KCTD16: variants seen among roughly 807,000 people sequenced by gnomAD.
The protein encoded by KCTD16 is potassium channel tetramerization domain containing 16, also known as BTB/POZ domain-containing protein KCTD16.
A neutral mutation model predicts 33.2 loss-of-function variants in KCTD16; 13 were observed. That is an observed-to-expected ratio of 0.39 (90% CI 0.25 to 0.62). KCTD16 has a LOEUF of 0.62. KCTD16 is among the 20% of genes least tolerant of loss of function. The probability of loss-of-function intolerance (pLI) is 0.50; values close to 1 mark genes in which losing one functional copy is unlikely to be tolerated. For synonymous variants in KCTD16, 197 were observed against 195.3 expected, an observed-to-expected ratio of 1.01 and a Z score of -0.07; for missense variants, 441 against 525.1, an observed-to-expected ratio of 0.84 and a Z score of 1.57.
chr5:144,321,246 A>G (rs1752066508), intron 3 of KCTD16, among the ~76,000 whole-genome samples: 1 of 152,142 alleles, frequency 6.6e-6, no homozygotes, highest in African/African-American at 2.4e-5. Context: ...GTTCTTTGGA[A>G]ACCTTGTTTT....
intron 3 of KCTD16, among the ~76,000 whole-genome samples, chr5:144,345,481 T>C (rs1752771283): frequency 6.6e-6 from 1 of 152,208 alleles, no homozygotes; most frequent in African/African-American, 2.4e-5. Context: ...AGTTTGTTTT[T>C]CTCAACCACA....
chr5:144,466,983 TA>T (rs2126997271), intron 3 of KCTD16, among the ~76,000 whole-genome samples: 1 of 128,526 alleles, frequency 7.8e-6, no homozygotes, highest in South Asian at 2.3e-4. Flanking sequence ...ATAATATATA[TA>T]ACACTATATA....
intron 3 of KCTD16, among the ~76,000 whole-genome samples, chr5:144,283,553 A>G (rs1755663338): frequency 6.6e-6 from 1 of 152,202 alleles, no homozygotes. Context: ...TGAAGTCCCT[A>G]TATTATGTAC....
chr5:144,263,038 T>C (rs1561546841), intron 3 of KCTD16, among the ~76,000 whole-genome samples: 1 of 152,224 alleles, frequency 6.6e-6, no homozygotes, highest in Non-Finnish European at 1.5e-5. Flanking sequence ...CACATTTGAA[T>C]GTGAAAATGG....
intron 3 of KCTD16, among the ~76,000 whole-genome samples, chr5:144,434,594 T>C (rs551059362): frequency 1.3e-4 from 20 of 152,284 alleles, no homozygotes; most frequent in Admixed American, 5.2e-4. Flanking sequence ...TTATACATTA[T>C]ACATTTTTGG....
chr5:144,418,288 G>A (rs182379015), intron 3 of KCTD16, among the ~76,000 whole-genome samples: 4 of 152,286 alleles, frequency 2.6e-5, no homozygotes, highest in Non-Finnish European at 2.9e-5. Flanking sequence ...GGTTGCCAAC[G>A]GGGATTCTGG....
intron 3 of KCTD16, among the ~76,000 whole-genome samples, chr5:144,367,772 T>C (rs1217094220): frequency 2.0e-5 from 3 of 150,598 alleles, no homozygotes. Flanking sequence ...TGTGGGATGC[T>C]GAAGTTTGGG....
chr5:144,224,480 G>A (rs956586132), intron 3 of KCTD16, among the ~76,000 whole-genome samples: 2 of 141,950 alleles, frequency 1.4e-5, no homozygotes, highest in African/African-American at 5.2e-5. Flanking sequence ...AAGAATTAAT[G>A]GTAAACAAAA....
At chr5:144,324,050 T>C (rs985057537) in intron 3 of KCTD16, among the ~76,000 whole-genome samples, 15 of 152,308 alleles carry the variant, frequency 9.8e-5, no homozygotes, top group African/African-American at 3.6e-4. Flanking sequence ...AAATTCTGTG[T>C]GCCTTTTGTT....
intron 3 of KCTD16, among the ~76,000 whole-genome samples, chr5:144,278,574 T>A (rs946953595): frequency 7.0e-6 from 1 of 143,174 alleles, no homozygotes; most frequent in African/African-American, 2.6e-5. Context: ...CTTGGCTCAC[T>A]GCAAGCTCCG....
At chr5:144,393,348 A>G (rs543151261) in intron 3 of KCTD16, among the ~76,000 whole-genome samples, 1 of 152,352 alleles carries the variant, frequency 6.6e-6, no homozygotes, top group East Asian at 1.9e-4. Flanking sequence ...AAAGCTAAAC[A>G]TATGAGAAGT....
At chr5:144,280,910 C>T (rs1467543396) in intron 3 of KCTD16, among the ~76,000 whole-genome samples, 5 of 150,806 alleles carry the variant, frequency 3.3e-5, no homozygotes, top group African/African-American at 1.2e-4. Context: ...AAAAAATTAG[C>T]CGGGCGTGGT....
intron 3 of KCTD16, among the ~76,000 whole-genome samples, chr5:144,343,999 A>C (rs1752715775): frequency 6.6e-6 from 1 of 152,174 alleles, no homozygotes; most frequent in Admixed American, 6.5e-5. Flanking sequence ...TGGTACTGGT[A>C]CCAAAACAGA....
At chr5:144,451,257 AT>A (rs1366077968) in intron 3 of KCTD16, among the ~76,000 whole-genome samples, 7 of 152,114 alleles carry the variant, frequency 4.6e-5, no homozygotes, top group Non-Finnish European at 1.0e-4. Context: ...TAGAGAGCAG[AT>A]TTTTTAAAAA....
At chr5:144,365,682 G>C (rs1305724400) in intron 3 of KCTD16, among the ~76,000 whole-genome samples, 1 of 152,194 alleles carries the variant, frequency 6.6e-6, no homozygotes, top group Non-Finnish European at 1.5e-5. Flanking sequence ...TAGACAGAAT[G>C]CTGAATTTTC....
At chr5:144,367,115 A>G (rs1437208428) in intron 3 of KCTD16, among the ~76,000 whole-genome samples, 1 of 152,206 alleles carries the variant, frequency 6.6e-6, no homozygotes, top group Non-Finnish European at 1.5e-5. Flanking sequence ...GGACCCAGCA[A>G]TCCTGTCTAT....
intron 3 of KCTD16, among the ~76,000 whole-genome samples, chr5:144,296,671 T>C (rs1035322757): frequency 6.6e-6 from 1 of 152,152 alleles, no homozygotes; most frequent in African/African-American, 2.4e-5. Context: ...TCTGGAGCAT[T>C]TGGGTGCTTA....
chr5:144,339,531 T>C (rs1449961057), intron 3 of KCTD16, among the ~76,000 whole-genome samples: 1 of 152,222 alleles, frequency 6.6e-6, no homozygotes, highest in African/African-American at 2.4e-5. Context: ...CCAAGTGCTC[T>C]GCTAAGTGAT....
chr5:144,482,982 G>A lies in KCTD16; in HGVS notation c.*8868G>A, dbSNP rs1202159978. The A allele has an allele frequency of 6.6e-6, 1 of 150,914 alleles. No homozygotes were observed. Among genetic ancestry groups the A allele is most frequent in the Non-Finnish European group, 1.5e-5 (1 of 67,692 alleles). The allele number at this position is 150,914 out of a possible 1,614,324, so 9.3% of individuals were successfully genotyped here. A position where few individuals can be genotyped will look rare whatever the true frequency, so the allele number is the denominator to read the frequency against. ...CTAAAAGTGGATATATTTATTTATGGTGCCGAGAACATTAACAAAATATTT... is the reference window on the plus strand; with the variant it reads ...CTAAAAGTGGATATATTTATTTATGATGCCGAGAACATTAACAAAATATTT... On this transcript the variant is annotated 3_prime_UTR_variant, in exon 4 of 4. Coordinates refer to ENST00000512467, the MANE Select transcript of KCTD16 (RefSeq NM_020768.4).
Sources: allele counts gnomAD v4.1 joint callset (sites outside exome capture counted in the v4.1 genomes callset), GRCh38; gene constraint gnomAD v4.1.1; transcripts MANE v1.5; gene names NCBI Gene and HGNC (gene_info 2026-07-23, HGNC 2026-07-21).